The following CNTNAP2 variants were observed in gnomAD, a reference collection of about 807,000 sequenced individuals.
CNTNAP2 encodes contactin associated protein 2.
A neutral mutation model predicts 155.2 loss-of-function variants in CNTNAP2; 98 were observed. The observed-to-expected ratio is 0.63, with a 90% confidence interval of 0.54 to 0.75. The LOEUF (loss-of-function observed/expected upper bound fraction) is 0.75. Among genes scored for constraint, CNTNAP2 ranks in the 30% least tolerant of loss-of-function variants. The pLI is 0.00. For missense variants in CNTNAP2, 1,727 were observed against 1,688.1 expected (o/e 1.02, Z -0.40); for synonymous variants, 651 against 631.2 (o/e 1.03, Z -0.47).
chr7:147,235,345 G>GGTGTGTGTGTGTGTGTGTGTGTGTGTGT (rs60072934), intron 8 of CNTNAP2, among the ~76,000 whole-genome samples: 1 of 140,882 alleles, frequency 7.1e-6, no homozygotes, highest in Non-Finnish European at 1.5e-5. Flanking sequence ...TGGAGTTTTT[G>GGTGTGTGTGTGTGTGTGTGTGTGTGTGT]GTGTGTGTGT....
intron 1 of CNTNAP2, among the ~76,000 whole-genome samples, chr7:146,504,178 T>C (rs1212006485): frequency 6.6e-6 from 1 of 152,190 alleles, no homozygotes; most frequent in Non-Finnish European, 1.5e-5. Context: ...AAGGGAGTTC[T>C]CCTAGCAGGG....
chr7:146,618,221 G>A (rs1166776871), intron 1 of CNTNAP2, among the ~76,000 whole-genome samples: 1 of 152,082 alleles, frequency 6.6e-6, no homozygotes, highest in Non-Finnish European at 1.5e-5. Context: ...TGCTTGTTGA[G>A]AGAAGCTTGA....
intron 8 of CNTNAP2, among the ~76,000 whole-genome samples, chr7:147,188,734 CA>C (rs1246771597): frequency 6.6e-6 from 1 of 151,632 alleles, no homozygotes; most frequent in African/African-American, 2.4e-5. Flanking sequence ...TGGATAAGAG[CA>C]AAAGTAAACT....
chr7:146,617,310 A>G (rs911997823), intron 1 of CNTNAP2, among the ~76,000 whole-genome samples: 7 of 152,358 alleles, frequency 4.6e-5, no homozygotes, highest in South Asian at 2.1e-4. Flanking sequence ...AATAGACTAC[A>G]AAGATGTGAT....
At chr7:146,228,391 A>C (rs145200053) in intron 1 of CNTNAP2, among the ~76,000 whole-genome samples, 71 of 152,328 alleles carry the variant, frequency 4.7e-4, no homozygotes, top group African/African-American at 1.6e-3. Context: ...CAGTCTTCTC[A>C]TATGTTACAT....
At chr7:148,316,415 G>A (rs1013381701) in intron 21 of CNTNAP2, among the ~76,000 whole-genome samples, 2 of 152,178 alleles carry the variant, frequency 1.3e-5, no homozygotes, top group Non-Finnish European at 1.5e-5. Flanking sequence ...TTCAGAGCAT[G>A]ACCATCAGCA....
At chr7:148,169,059 T>C (rs1805726803) in intron 17 of CNTNAP2, among the ~76,000 whole-genome samples, 1 of 152,174 alleles carries the variant, frequency 6.6e-6, no homozygotes, top group Admixed American at 6.5e-5. Context: ...ACTGGAAAGA[T>C]ACAGCTGCAA....
At chr7:146,552,091 A>G (rs1411729155) in intron 1 of CNTNAP2, among the ~76,000 whole-genome samples, 1 of 152,136 alleles carries the variant, frequency 6.6e-6, no homozygotes, top group Non-Finnish European at 1.5e-5. Context: ...AATTCACACC[A>G]TTCTAACAGC....
intron 3 of CNTNAP2, among the ~76,000 whole-genome samples, chr7:146,845,361 ATTTG>A (rs1554400012): frequency 6.6e-6 from 1 of 152,132 alleles, no homozygotes; most frequent in Non-Finnish European, 1.5e-5. Context: ...ATCTTGTTTC[ATTTG>A]TTTGTTTTAT....
At chr7:146,730,437 A>G (rs1801505722) in intron 1 of CNTNAP2, among the ~76,000 whole-genome samples, 1 of 152,174 alleles carries the variant, frequency 6.6e-6, no homozygotes, top group African/African-American at 2.4e-5. Context: ...ATAAATGTCC[A>G]CAATATAATT....
chr7:146,176,065 A>G, intron 1 of CNTNAP2, among the ~76,000 whole-genome samples: 1 of 152,222 alleles, frequency 6.6e-6, no homozygotes, highest in Non-Finnish European at 1.5e-5. Context: ...CACTATAAAT[A>G]GAAATATATA....
rs1342175575 is a variant in CNTNAP2 at position 147,683,469 on chromosome 7, C to T, written c.2098+44163C>T. Among the ~76,000 whole-genome samples, 7 of 151,804 alleles carry T rather than the reference C, an allele frequency of 4.6e-5. No homozygotes were observed. The East Asian group carries it at 5.8e-4, about 13-fold the overall frequency. On this transcript the variant is annotated intron_variant, in intron 13 of 23. Transcript: ENST00000361727. ...TGAAAATATATAATATCACCAAGCCCGCCATATTAGACCACTTTTACCTTA... is the reference window on the plus strand; with the variant it reads ...TGAAAATATATAATATCACCAAGCCTGCCATATTAGACCACTTTTACCTTA...
At chr7:147,654,505 A>G (rs1483047974) in intron 13 of CNTNAP2, among the ~76,000 whole-genome samples, 1 of 152,216 alleles carries the variant, frequency 6.6e-6, no homozygotes, top group Non-Finnish European at 1.5e-5. Context: ...AAGTTTTATC[A>G]TGAGATTGCA....
At chr7:147,009,461 C>T (rs1798585898) in intron 3 of CNTNAP2, among the ~76,000 whole-genome samples, 1 of 152,122 alleles carries the variant, frequency 6.6e-6, no homozygotes, top group South Asian at 2.1e-4. Context: ...GTGCATTTAC[C>T]TTGGCTGTAG....
intron 13 of CNTNAP2, among the ~76,000 whole-genome samples, chr7:147,829,533 A>G (rs1188924372): frequency 6.6e-6 from 1 of 152,158 alleles, no homozygotes; most frequent in Non-Finnish European, 1.5e-5. Flanking sequence ...CAATCCTTAC[A>G]AAAACCCTGT....
rs78059294 is a variant in CNTNAP2, at chr7:148,022,030, T to C, written c.2383+44041T>C. ...CGATGGTTTTGATAGGGACTTATCTTGCTCTCTCTCCCTGGACACTCTCTT... is the reference window on the plus strand; with the variant it reads ...CGATGGTTTTGATAGGGACTTATCTCGCTCTCTCTCCCTGGACACTCTCTT... On this transcript the variant is annotated intron_variant, in intron 15 of 23. Coordinates refer to ENST00000361727, the MANE Select transcript of CNTNAP2 (RefSeq NM_014141.6). Among the ~76,000 whole-genome samples, 429 of 152,272 alleles carry C rather than the reference T, an allele frequency of 2.8e-3. 1 individual carries two copies. The highest frequency in any genetic ancestry group is 5.7e-3 in the Non-Finnish European group (385 of 68,010).
chr7:147,255,987 T>G (rs1804316406), intron 8 of CNTNAP2, among the ~76,000 whole-genome samples: 1 of 151,812 alleles, frequency 6.6e-6, no homozygotes, highest in Non-Finnish European at 1.5e-5. Context: ...GGAATCCCCC[T>G]GCCTTGGCCT....
chr7:146,527,706 A>T (rs984011393), intron 1 of CNTNAP2, among the ~76,000 whole-genome samples: 2 of 152,066 alleles, frequency 1.3e-5, no homozygotes, highest in Non-Finnish European at 2.9e-5. Context: ...AAAGTTGATC[A>T]TCTATTTATT....
At chr7:148,203,966 A>T (rs558218906) in intron 18 of CNTNAP2, among the ~76,000 whole-genome samples, 2 of 152,324 alleles carry the variant, frequency 1.3e-5, no homozygotes, top group East Asian at 3.9e-4. Context: ...TTGAAGAGGC[A>T]TAGTAAAGAA....
Sources: gnomAD v4.1 joint callset for allele counts (sites outside exome capture counted in the v4.1 genomes callset) on GRCh38, gnomAD v4.1.1 for gene constraint, MANE v1.5 for transcripts, NCBI Gene and HGNC (gene_info 2026-07-23, HGNC 2026-07-21) for gene names.